The following CTNND2 variants were observed in gnomAD, a reference collection of about 807,000 sequenced individuals.
CTNND2 encodes catenin delta 2, also known as catenin delta-2.
A neutral mutation model predicts 144.4 loss-of-function variants in CTNND2; 22 were observed. The ratio of observed to expected loss-of-function variants is 0.15; its 90% confidence interval spans 0.11 to 0.22. The LOEUF (loss-of-function observed/expected upper bound fraction) is 0.22, where lower values mean the gene tolerates loss of function less well. Among genes scored for constraint, CTNND2 ranks in the 10% least tolerant of loss-of-function variants. CTNND2 has a pLI of 1.00. For missense variants in CTNND2, 1,353 were observed against 1,618.8 expected, an observed-to-expected ratio of 0.84 and a Z score of 2.82; for synonymous variants, 751 against 695.6, an observed-to-expected ratio of 1.08 and a Z score of -1.25.
chr5:11,437,574 G>A (rs1004116475), intron 3 of CTNND2, among the ~76,000 whole-genome samples: 4 of 152,162 alleles, frequency 2.6e-5, no homozygotes, highest in African/African-American at 9.7e-5. Flanking sequence ...TAAGGGATAG[G>A]GATGTGGTTT....
chr5:11,167,529 A>G (rs1161547975), intron 11 of CTNND2, among the ~76,000 whole-genome samples: 1 of 152,112 alleles, frequency 6.6e-6, no homozygotes, highest in Admixed American at 6.5e-5. Flanking sequence ...TTCTAAAACA[A>G]TTTTGTTATA....
chr5:11,090,099 G>A (rs144239513), intron 15 of CTNND2, among the ~76,000 whole-genome samples: 1 of 152,278 alleles, frequency 6.6e-6, no homozygotes, highest in East Asian at 1.9e-4. Flanking sequence ...TTCATTCTGA[G>A]GCCCCTGGTG....
At chr5:11,099,009 T>C (rs1282452219) in intron 14 of CTNND2, among the ~76,000 whole-genome samples, 1 of 152,102 alleles carries the variant, frequency 6.6e-6, no homozygotes, top group Non-Finnish European at 1.5e-5. Flanking sequence ...AAGAAGTGGA[T>C]AAGCTCTCCA....
intron 3 of CTNND2, among the ~76,000 whole-genome samples, chr5:11,528,895 G>C (rs1773495709): frequency 6.6e-6 from 1 of 152,210 alleles, no homozygotes; most frequent in Non-Finnish European, 1.5e-5. Flanking sequence ...TGCTGGGATG[G>C]AGCAGAGCTG....
rs540511322 is a variant in CTNND2 at position 11,764,347 on chromosome 5, T to C, written c.38-32075A>G. On this transcript the variant is annotated intron_variant, in intron 1 of 21. Transcript: ENST00000304623. The stretch of plus-strand genomic sequence containing the variant: ...CCAGAAGTAGAAAGTAACAAATTTA[T>C]ATTGTTTTAAGTCACCACATTTGTG... Among the ~76,000 whole-genome samples the C allele has an allele frequency of 3.9e-5, 6 of 152,328 alleles. No individual in the cohort carries two copies. The South Asian group carries it at 1.2e-3, about 32-fold the overall frequency.
chr5:11,278,729 G>A (rs1410985073), intron 9 of CTNND2, among the ~76,000 whole-genome samples: 1 of 152,154 alleles, frequency 6.6e-6, no homozygotes, highest in Admixed American at 6.5e-5. Context: ...GGATGAAGGA[G>A]GGAAATAGAT....
intron 9 of CTNND2, among the ~76,000 whole-genome samples, chr5:11,297,070 T>C (rs1749101910): frequency 6.6e-6 from 1 of 152,196 alleles, no homozygotes; most frequent in Admixed American, 6.5e-5. Context: ...ATACATTGTA[T>C]AATGAACTGT....
chr5:11,644,750 G>A (rs1782260845), intron 2 of CTNND2, among the ~76,000 whole-genome samples: 1 of 151,888 alleles, frequency 6.6e-6, no homozygotes, highest in Admixed American at 6.6e-5. Context: ...AACAGCAAAG[G>A]AAATCTGTCA....
chr5:11,158,637 C>T (rs959532949), intron 12 of CTNND2, among the ~76,000 whole-genome samples: 7 of 152,076 alleles, frequency 4.6e-5, no homozygotes, highest in East Asian at 1.9e-4. Context: ...CATGAGATGA[C>T]GATTATTAAT....
chr5:10,993,150 C>T (rs1373985248), intron 18 of CTNND2, among the ~76,000 whole-genome samples: 1 of 152,134 alleles, frequency 6.6e-6, no homozygotes, highest in East Asian at 1.9e-4. Flanking sequence ...GTTTACCTGC[C>T]TGTGTCCTTT....
intron 7 of CTNND2, among the ~76,000 whole-genome samples, chr5:11,380,521 C>T (rs933115716): frequency 2.0e-5 from 3 of 152,182 alleles, no homozygotes; most frequent in Non-Finnish European, 4.4e-5. Context: ...TCCCCCAAGG[C>T]AGAGTTGGCT....
At chr5:11,181,919 G>A (rs1735053179) in intron 11 of CTNND2, among the ~76,000 whole-genome samples, 1 of 146,272 alleles carries the variant, frequency 6.8e-6, no homozygotes, top group African/African-American at 2.6e-5. Context: ...GGTGTGTGTG[G>A]AGGCTATGTG....
chr5:11,546,546 C>A (rs887008394), intron 3 of CTNND2, among the ~76,000 whole-genome samples: 2 of 152,064 alleles, frequency 1.3e-5, no homozygotes, highest in African/African-American at 2.4e-5. Flanking sequence ...GGTATCAGAT[C>A]AACATAAAGA....
intron 9 of CTNND2, among the ~76,000 whole-genome samples, chr5:11,282,124 C>A (rs1747205949): frequency 6.6e-6 from 1 of 152,084 alleles, no homozygotes; most frequent in African/African-American, 2.4e-5. Context: ...GCTGGCAAGT[C>A]AGTGCTGGTT....
chr5:11,081,356 T>C (rs368820202), intron 16 of CTNND2, among the ~76,000 whole-genome samples: 9 of 152,340 alleles, frequency 5.9e-5, no homozygotes, highest in African/African-American at 1.9e-4. Flanking sequence ...TTTGAAGAGA[T>C]GAAATGTTAA....
chr5:11,732,899 C>T (rs930893103), intron 1 of CTNND2, among the ~76,000 whole-genome samples: 5 of 151,984 alleles, frequency 3.3e-5, no homozygotes, highest in Middle Eastern at 3.4e-3. Flanking sequence ...AGGGTCCTGC[C>T]CCCTACGTCC....
intron 3 of CTNND2, among the ~76,000 whole-genome samples, chr5:11,463,607 G>A (rs1766408206): frequency 1.3e-5 from 2 of 151,736 alleles, no homozygotes; most frequent in Admixed American, 6.6e-5. Flanking sequence ...CCAAGAGTGC[G>A]GTATGATAAA....
At chr5:11,597,851 G>T (rs532055404) in intron 2 of CTNND2, among the ~76,000 whole-genome samples, 3 of 152,158 alleles carry the variant, frequency 2.0e-5, no homozygotes, top group Admixed American at 2.0e-4. Flanking sequence ...CATGAGCCAC[G>T]AAGCCTGGCT....
intron 16 of CTNND2, among the ~76,000 whole-genome samples, chr5:11,032,057 A>G (rs1026685769): frequency 5.9e-5 from 9 of 152,242 alleles, no homozygotes; most frequent in Non-Finnish European, 1.2e-4. Context: ...ATATACATAT[A>G]TCCTATTAGT....
Sources: allele counts gnomAD v4.1 joint callset (sites outside exome capture counted in the v4.1 genomes callset), GRCh38; gene constraint gnomAD v4.1.1; transcripts MANE v1.5; gene names NCBI Gene and HGNC (gene_info 2026-07-23, HGNC 2026-07-21).